ZFHX3: variants seen among roughly 807,000 people sequenced by gnomAD.
ZFHX3 encodes zinc finger homeobox protein 3.
Under a neutral mutation model 279.1 loss-of-function variants are expected in ZFHX3, and 42 were observed. That is an observed-to-expected ratio of 0.15 (90% CI 0.12 to 0.19). The LOEUF is 0.19. Among genes scored for constraint, ZFHX3 ranks in the 10% least tolerant of loss-of-function variants. The pLI is 1.00. For missense variants in ZFHX3, 4,981 were observed against 4,754.0 expected, an observed-to-expected ratio of 1.05 and a Z score of -1.40; for synonymous variants, 2,293 against 1,957.8, an observed-to-expected ratio of 1.17 and a Z score of -4.52.
At chr16:73,338,182 A>C (rs925671074) in intron 3 of ZFHX3, among the ~76,000 whole-genome samples, 8 of 152,096 alleles carry the variant, frequency 5.3e-5, no homozygotes, top group African/African-American at 7.2e-5. Context: ...TAAATGTATG[A>C]CCACAAGTGT....
intron 8 of ZFHX3, among the ~76,000 whole-genome samples, chr16:73,069,041 C>T (rs1427987874): frequency 2.6e-5 from 4 of 152,204 alleles, no homozygotes; most frequent in East Asian, 1.9e-4. Flanking sequence ...CACTCCTCGC[C>T]GTGCTCGGCT....
At chr16:73,006,500 G>A (rs1963705877) in intron 1 of ZFHX3, among the ~76,000 whole-genome samples, 1 of 152,074 alleles carries the variant, frequency 6.6e-6, no homozygotes, top group African/African-American at 2.4e-5. Context: ...GTGTGTGCCT[G>A]TAGTCCCAGC....
intron 2 of ZFHX3, among the ~76,000 whole-genome samples, chr16:73,667,149 G>A (rs775431525): frequency 4.3e-4 from 66 of 151,860 alleles, no homozygotes; most frequent in Non-Finnish European, 7.4e-4. Context: ...CCGCCACCAC[G>A]CCCGGCTAAT....
chr16:73,325,076 C>G (rs1308081453), intron 3 of ZFHX3, among the ~76,000 whole-genome samples: 1 of 152,268 alleles, frequency 6.6e-6, no homozygotes, highest in East Asian at 1.9e-4. Flanking sequence ...TCTTTCACAA[C>G]CTCTCTGGCT....
chr16:73,103,722 G>A (rs1373303164), intron 7 of ZFHX3, among the ~76,000 whole-genome samples: 2 of 152,144 alleles, frequency 1.3e-5, no homozygotes, highest in Admixed American at 1.3e-4. Context: ...TAAGCATTAA[G>A]TCACCCAATG....
At chr16:73,721,588 G>C (rs2053474182) in intron 1 of ZFHX3, among the ~76,000 whole-genome samples, 1 of 152,050 alleles carries the variant, frequency 6.6e-6, no homozygotes, top group South Asian at 2.1e-4. Flanking sequence ...CTTCCTAACC[G>C]GCATGCCCAC....
intron 1 of ZFHX3, among the ~76,000 whole-genome samples, chr16:73,818,536 G>C (rs574837050): frequency 6.6e-6 from 1 of 152,114 alleles, no homozygotes; most frequent in Non-Finnish European, 1.5e-5. Flanking sequence ...GGTCAGCAGG[G>C]GTTTCAGACC....
chr16:73,154,580 C>A (rs1368089508), intron 5 of ZFHX3, among the ~76,000 whole-genome samples: 2 of 152,184 alleles, frequency 1.3e-5, no homozygotes, highest in Non-Finnish European at 2.9e-5. Flanking sequence ...AGCTCTTTCA[C>A]AATCCTCAGG....
intron 1 of ZFHX3, among the ~76,000 whole-genome samples, chr16:73,739,269 T>C (rs2142257896): frequency 6.6e-6 from 1 of 152,260 alleles, no homozygotes; most frequent in Admixed American, 6.5e-5. Flanking sequence ...GTTGACTCAG[T>C]GGTTGGAATC....
intron 2 of ZFHX3, among the ~76,000 whole-genome samples, chr16:73,538,429 C>T (rs910153612): frequency 5.3e-5 from 8 of 152,054 alleles, no homozygotes; most frequent in African/African-American, 1.2e-4. Flanking sequence ...TCATTAATTG[C>T]GTGAAGTACA....
At position 72,957,844 on chromosome 16, in the gene ZFHX3, G is replaced by A; in HGVS notation, c.2302C>T (p.His768Tyr). 1 of 1,613,478 alleles carries A rather than the reference G, an allele frequency of 6.2e-7. No homozygotes were observed. The stretch of plus-strand genomic sequence containing the variant: ...GCCGCCGCCGCCGCCCCGGCAGTGT[G>A]GCTGAAGACCTGCTCCCCCCCTCCA... ...QNGGGEQVFSHTAGAAAAAVA... is the reference protein window; with the variant it reads ...QNGGGEQVFSYTAGAAAAAVA... The change falls in exon 2 of 10, where the codon CAC (histidine) becomes TAC (tyrosine). Residue 768 changes from histidine to tyrosine, a missense_variant. By Grantham distance (83) the His-to-Tyr change is moderately conservative. This residue lies in a region of ZFHX3 where 1,751 missense variants were observed against 1,770.0 expected (regional missense o/e 0.99). Transcript: ENST00000268489.
At chr16:73,452,835 C>T (rs1216150542) in intron 3 of ZFHX3, among the ~76,000 whole-genome samples, 1 of 152,178 alleles carries the variant, frequency 6.6e-6, no homozygotes, top group Non-Finnish European at 1.5e-5. Context: ...TGCTGCCTTC[C>T]AACCAATGAT....
At chr16:73,806,599 TG>T (rs377389342) in intron 1 of ZFHX3, among the ~76,000 whole-genome samples, 37 of 151,508 alleles carry the variant, frequency 2.4e-4, no homozygotes, top group African/African-American at 8.5e-4. Context: ...CACTGGTTGG[TG>T]GGGGGGGTCA....
intron 2 of ZFHX3, among the ~76,000 whole-genome samples, chr16:73,532,762 C>T (rs2019829699): frequency 6.6e-6 from 1 of 152,188 alleles, no homozygotes; most frequent in Non-Finnish European, 1.5e-5. Context: ...TTATAATCTT[C>T]ACATGTCAAG....
intron 2 of ZFHX3, among the ~76,000 whole-genome samples, chr16:73,556,780 T>A (rs1048083506): frequency 6.6e-6 from 1 of 151,978 alleles, no homozygotes; most frequent in Non-Finnish European, 1.5e-5. Flanking sequence ...GGATGTGGTT[T>A]AAAATAAGAT....
At chr16:73,027,213 C>T (rs1964542923) in intron 1 of ZFHX3, among the ~76,000 whole-genome samples, 1 of 152,192 alleles carries the variant, frequency 6.6e-6, no homozygotes, top group Admixed American at 6.5e-5. Context: ...TGTGTTGGGT[C>T]GGAACTGGCC....
chr16:73,221,056 A>G (rs2012402393), intron 5 of ZFHX3, among the ~76,000 whole-genome samples: 1 of 152,184 alleles, frequency 6.6e-6, no homozygotes, highest in South Asian at 2.1e-4. Context: ...GCATTGCGCC[A>G]TGGAATTCAT....
At chr16:73,254,723 A>T (rs1311564698) in intron 5 of ZFHX3, among the ~76,000 whole-genome samples, 1 of 152,184 alleles carries the variant, frequency 6.6e-6, no homozygotes, top group Admixed American at 6.5e-5. Flanking sequence ...GTCTCATAGA[A>T]ATATTGATCT....
At chr16:73,572,190 T>C (rs1448067301) in intron 2 of ZFHX3, among the ~76,000 whole-genome samples, 1 of 151,912 alleles carries the variant, frequency 6.6e-6, no homozygotes, top group Non-Finnish European at 1.5e-5. Flanking sequence ...AAAAAAACTT[T>C]TTCTGAATTG....
Sources: allele counts gnomAD v4.1 joint callset (sites outside exome capture counted in the v4.1 genomes callset), GRCh38; gene constraint gnomAD v4.1.1; regional missense constraint gnomAD v4.1.1; transcripts MANE v1.5; gene names NCBI Gene and HGNC (gene_info 2026-07-23, HGNC 2026-07-21).